Variants in ERBB4 observed in about 807,000 individuals in gnomAD.
The protein encoded by ERBB4 is receptor tyrosine-protein kinase erbB-4.
ERBB4 carries 42 observed loss-of-function variants against 158.0 expected under a neutral mutation model. The ratio of observed to expected loss-of-function variants is 0.27; its 90% confidence interval spans 0.21 to 0.34. ERBB4 has a LOEUF of 0.34. Among genes scored for constraint, ERBB4 ranks in the 10% least tolerant of loss-of-function variants. ERBB4 has a pLI of 1.00. For synonymous variants in ERBB4, 583 were observed against 558.7 expected, an observed-to-expected ratio of 1.04 and a Z score of -0.61; for missense variants, 1,333 against 1,624.1, an observed-to-expected ratio of 0.82 and a Z score of 3.08.
At chr2:211,791,655 C>CTGCTATGAGT (rs1650517293) in intron 3 of ERBB4, among the ~76,000 whole-genome samples, 1 of 151,832 alleles carries the variant, frequency 6.6e-6, no homozygotes, top group African/African-American at 2.4e-5. Flanking sequence ...TAGAAAAAAG[C>CTGCTATGAGT]TGCTATGAGT....
intron 3 of ERBB4, among the ~76,000 whole-genome samples, chr2:211,912,627 T>C (rs1485475494): frequency 6.6e-6 from 1 of 152,218 alleles, no homozygotes; most frequent in Admixed American, 6.5e-5. Context: ...CTAATGAAGA[T>C]AATCAAAATA....
intron 1 of ERBB4, among the ~76,000 whole-genome samples, chr2:212,257,352 G>C (rs1478501911): frequency 1.3e-5 from 2 of 151,996 alleles, no homozygotes; most frequent in Non-Finnish European, 2.9e-5. Flanking sequence ...GAAGTAATTA[G>C]GGTTCACTTT....
chr2:212,380,373 G>A (rs2090463625), intron 1 of ERBB4, among the ~76,000 whole-genome samples: 1 of 150,894 alleles, frequency 6.6e-6, no homozygotes, highest in African/African-American at 2.4e-5. Flanking sequence ...GATGTGCATA[G>A]GTTATATGCA....
chr2:212,023,967 C>G (rs921630455), intron 2 of ERBB4, among the ~76,000 whole-genome samples: 1 of 151,026 alleles, frequency 6.6e-6, no homozygotes, highest in Non-Finnish European at 1.5e-5. Flanking sequence ...TTTCTGGAAA[C>G]TAATCAAATA....
chr2:211,769,520 G>A (rs2075638976), intron 4 of ERBB4, among the ~76,000 whole-genome samples: 1 of 152,168 alleles, frequency 6.6e-6, no homozygotes, highest in Non-Finnish European at 1.5e-5. Context: ...AGTTTATGAA[G>A]GAAAATTGAC....
At chr2:212,219,767 T>C (rs2083231163) in intron 1 of ERBB4, among the ~76,000 whole-genome samples, 1 of 151,294 alleles carries the variant, frequency 6.6e-6, no homozygotes, top group African/African-American at 2.4e-5. Context: ...TAGTGTAAAT[T>C]GTGTGCATGG....
intron 1 of ERBB4, among the ~76,000 whole-genome samples, chr2:212,317,944 A>G (rs2087368672): frequency 6.6e-6 from 1 of 151,656 alleles, no homozygotes; most frequent in South Asian, 2.1e-4. Flanking sequence ...AATCCACACA[A>G]AAGAAGTTAA....
intron 20 of ERBB4, among the ~76,000 whole-genome samples, chr2:211,500,803 CTG>C (rs1229442590): frequency 2.0e-5 from 3 of 152,004 alleles, no homozygotes; most frequent in Non-Finnish European, 4.4e-5. Context: ...ATATCTCACA[CTG>C]AGAGCACTGG....
chr2:211,531,507 C>G (rs10193647), intron 20 of ERBB4, among the ~76,000 whole-genome samples: 1 of 152,020 alleles, frequency 6.6e-6, no homozygotes, highest in Non-Finnish European at 1.5e-5. Flanking sequence ...TAGATCTGAA[C>G]AGACATTTCT....
Position 211,703,361 on chromosome 2 carries a change from A to C in ERBB4, c.1289+743T>G, listed in dbSNP as rs1396516412. On this transcript the variant is annotated intron_variant, in intron 11 of 27. Transcript: ENST00000342788. ...AGCTCCTTTCTCCTTTACATTTTTAAAACCTCCTATAACTTTTAAATTTTA... is the reference window on the plus strand; with the variant it reads ...AGCTCCTTTCTCCTTTACATTTTTACAACCTCCTATAACTTTTAAATTTTA... Among the ~76,000 whole-genome samples, 9 of 152,262 alleles carry C rather than the reference A, an allele frequency of 5.9e-5. No individual in the cohort carries two copies. In the South Asian group the frequency reaches 1.9e-3, roughly 32 times the overall value.
intron 1 of ERBB4, among the ~76,000 whole-genome samples, chr2:212,339,175 C>A (rs1259508345): frequency 2.0e-5 from 3 of 152,044 alleles, no homozygotes; most frequent in African/African-American, 2.4e-5. Context: ...CAACCCCACA[C>A]CTCATCAGGC....
At chr2:212,239,827 T>C (rs2084015966) in intron 1 of ERBB4, among the ~76,000 whole-genome samples, 1 of 152,220 alleles carries the variant, frequency 6.6e-6, no homozygotes, top group Non-Finnish European at 1.5e-5. Flanking sequence ...AGAATGTTTT[T>C]ATCCTGTCAG....
At chr2:211,901,959 A>T (rs568539995) in intron 3 of ERBB4, among the ~76,000 whole-genome samples, 8 of 152,138 alleles carry the variant, frequency 5.3e-5, no homozygotes, top group African/African-American at 1.4e-4. Context: ...GTTATAAATT[A>T]TGTACCACTT....
intron 17 of ERBB4, 61 bp from the exon 18 acceptor site, chr2:211,624,105 C>G: frequency 1.5e-6 from 1 of 651,166 alleles, no homozygotes; most frequent in Non-Finnish European, 2.1e-6. Context: ...CTCTCTCTGT[C>G]TCTCTCTCTC....
intron 2 of ERBB4, among the ~76,000 whole-genome samples, chr2:211,986,701 T>G (rs565768182): frequency 6.6e-6 from 1 of 152,168 alleles, no homozygotes; most frequent in East Asian, 1.9e-4. Context: ...ACTCAATGCA[T>G]AGATTGTTGT....
chr2:211,861,124 T>TTA (rs143515103), intron 3 of ERBB4, among the ~76,000 whole-genome samples: 1,079 of 20,242 alleles, frequency 0.053, 119 homozygotes, highest in African/African-American at 0.099. Flanking sequence ...TATATATATT[T>TTA]TATATATATA....
At chr2:211,950,104 T>C (rs1229871154) in intron 2 of ERBB4, among the ~76,000 whole-genome samples, 1 of 152,118 alleles carries the variant, frequency 6.6e-6, no homozygotes. Context: ...ATTTAGATTC[T>C]GCACTCTCCC....
At chr2:211,416,317 T>G (rs2063389889) in intron 25 of ERBB4, among the ~76,000 whole-genome samples, 1 of 151,898 alleles carries the variant, frequency 6.6e-6, no homozygotes, top group South Asian at 2.1e-4. Flanking sequence ...ACTTAGCCAT[T>G]GTAACAAAAA....
At chr2:211,855,750 T>C (rs1041197846) in intron 3 of ERBB4, among the ~76,000 whole-genome samples, 5 of 152,142 alleles carry the variant, frequency 3.3e-5, no homozygotes, top group Non-Finnish European at 5.9e-5. Context: ...AAATTTGATC[T>C]TTTTCTTCAA....
Sources: gnomAD v4.1 joint callset for allele counts (sites outside exome capture counted in the v4.1 genomes callset) on GRCh38, gnomAD v4.1.1 for gene constraint, MANE v1.5 for transcripts, NCBI Gene and HGNC (gene_info 2026-07-23, HGNC 2026-07-21) for gene names.